Variants in TAFA5 observed in about 807,000 individuals in gnomAD.
TAFA5 encodes TAFA chemokine like family member 5, also known as chemokine-like protein TAFA-5.
TAFA5 carries 6 observed loss-of-function variants against 15.3 expected under a neutral mutation model. That is an observed-to-expected ratio of 0.39 (90% confidence interval 0.21 to 0.77). TAFA5 has a LOEUF of 0.77. Among genes scored for constraint, TAFA5 ranks in the 30% least tolerant of loss-of-function variants. The pLI, the probability that TAFA5 is intolerant of heterozygous loss-of-function variation, is 0.41. For synonymous variants in TAFA5, 103 were observed against 80.7 expected (o/e 1.28, Z -1.48); for missense variants, 161 against 193.1 (o/e 0.83, Z 0.98).
Position 48,550,463 on chromosome 22 carries a change from A to T in TAFA5, c.112+60759A>T, listed in dbSNP as rs984133266. 2.0e-5 allele frequency among the ~76,000 whole-genome samples: 3 copies of T among 152,140 alleles called. No individual in the cohort carries two copies. The highest frequency in any genetic ancestry group is 1.3e-4 in the Admixed American group (2 of 15,278). On this transcript the variant is annotated intron_variant, in intron 1 of 3. Coordinates refer to ENST00000402357, the MANE Select transcript of TAFA5 (RefSeq NM_001082967.3). The surrounding 1 kb of genome is among the most constrained non-coding windows in gnomAD (Gnocchi z 4.1). ...GAGTAAGCTAAGAGGTCACATCTGGATGGAACCAGATGTGAGGGCTTTGAC... is the reference window on the plus strand; with the variant it reads ...GAGTAAGCTAAGAGGTCACATCTGGTTGGAACCAGATGTGAGGGCTTTGAC...
chr22:48,542,289 C>CG (rs1204363670), intron 1 of TAFA5, among the ~76,000 whole-genome samples: 1 of 50,476 alleles, frequency 2.0e-5, no homozygotes, highest in Non-Finnish European at 4.6e-5. Flanking sequence ...GGTGTGTGTG[C>CG]ATGTGTGATG....
chr22:48,645,334 G>A (rs1389513627), intron 1 of TAFA5, among the ~76,000 whole-genome samples: 3 of 152,164 alleles, frequency 2.0e-5, no homozygotes, highest in Admixed American at 1.3e-4. Flanking sequence ...TGGCCATGCT[G>A]CGTTTTACCA....
intron 3 of TAFA5, among the ~76,000 whole-genome samples, chr22:48,747,653 T>TC (rs749545743): frequency 1.4e-4 from 21 of 152,098 alleles, no homozygotes; most frequent in Non-Finnish European, 2.2e-4. Flanking sequence ...TCCCAGCACT[T>TC]TGAGAGGCCA....
intron 1 of TAFA5, among the ~76,000 whole-genome samples, chr22:48,507,524 T>C (rs1000117206): frequency 5.0e-4 from 76 of 152,212 alleles, no homozygotes; most frequent in African/African-American, 1.7e-3. Context: ...TCTTCTGGAA[T>C]GTGCTCAGTG....
At chr22:48,749,766 A>AG (rs1282096613) in intron 3 of TAFA5, 73 bp from the exon 4 acceptor site, 2 of 1,527,888 alleles carry the variant, frequency 1.3e-6, no homozygotes, top group African/African-American at 2.8e-5. Flanking sequence ...GGGAGGGAAG[A>AG]GGAGCCTGTG....
At chr22:48,518,806 G>A (rs1347382993) in intron 1 of TAFA5, among the ~76,000 whole-genome samples, 2 of 152,224 alleles carry the variant, frequency 1.3e-5, no homozygotes, top group African/African-American at 2.4e-5. Context: ...ACAGGCAAGC[G>A]GTGTCACCTC....
intron 1 of TAFA5, among the ~76,000 whole-genome samples, chr22:48,588,462 C>T (rs73890917): frequency 0.011 from 1,735 of 152,262 alleles, 32 homozygotes; most frequent in African/African-American, 0.037. Context: ...AGGCATTGCT[C>T]GCAGTGGGAG....
chr22:48,553,105 T>C (rs1226058002), intron 1 of TAFA5, among the ~76,000 whole-genome samples: 1 of 152,082 alleles, frequency 6.6e-6, no homozygotes. Flanking sequence ...GTTGCCTTCC[T>C]CTGGAAGCTT....
chr22:48,499,447 C>A (rs1206864593), intron 1 of TAFA5, among the ~76,000 whole-genome samples: 1 of 152,146 alleles, frequency 6.6e-6, no homozygotes, highest in African/African-American at 2.4e-5. Flanking sequence ...GCTGGTGGGA[C>A]CCTTGGTTGC....
At chr22:48,579,612 A>C (rs1323770059) in intron 1 of TAFA5, among the ~76,000 whole-genome samples, 1 of 152,246 alleles carries the variant, frequency 6.6e-6, no homozygotes, top group East Asian at 1.9e-4. Flanking sequence ...GGAGTTAAGG[A>C]AACGGCGAGA....
intron 1 of TAFA5, among the ~76,000 whole-genome samples, chr22:48,595,012 T>C (rs368999893): frequency 6.6e-6 from 1 of 152,028 alleles, no homozygotes; most frequent in Non-Finnish European, 1.5e-5. Flanking sequence ...ACGGGGCACA[T>C]AGAGCCCCAG....
At position 48,719,939 on chromosome 22, in the gene TAFA5, C is replaced by G. The variant is rs149253175; in HGVS notation, c.390+12095C>G. Among the ~76,000 whole-genome samples the G allele has an allele frequency of 3.3e-5, 5 of 152,288 alleles. No homozygotes were observed. The East Asian group carries it at 9.7e-4, about 29-fold the overall frequency. On this transcript the variant is annotated intron_variant, in intron 3 of 3. Coordinates refer to ENST00000402357, the MANE Select transcript of TAFA5 (RefSeq NM_001082967.3). ...AAAAAAAAATTGGTTTGACCAAACC[C>G]ACATTATTTCTGTCTGCACTTTGGG...
intron 2 of TAFA5, among the ~76,000 whole-genome samples, chr22:48,681,662 A>G (rs1206558768): frequency 6.6e-6 from 1 of 151,252 alleles, no homozygotes; most frequent in Non-Finnish European, 1.5e-5. Flanking sequence ...AAAAAAAAAA[A>G]AAAAGAAAAG....
At position 48,654,099 on chromosome 22, in the gene TAFA5, G is replaced by A. The variant is rs116877647; in HGVS notation, c.262+7353G>A. 1.7e-4 allele frequency among the ~76,000 whole-genome samples: 26 copies of A among 152,218 alleles called. No individual in the cohort carries two copies. The East Asian group carries it at 3.7e-3, about 22-fold the overall frequency. On this transcript the variant is annotated intron_variant, in intron 2 of 3. Coordinates refer to ENST00000402357, the MANE Select transcript of TAFA5 (RefSeq NM_001082967.3). The stretch of plus-strand genomic sequence containing the variant: ...GGCTCTGCAGGGAGGGTCCTGTCCC[G>A]TCACGTTGGCGCCGCGGCTCTGGAG...
At chr22:48,499,730 A>G (rs551938424) in intron 1 of TAFA5, among the ~76,000 whole-genome samples, 18 of 152,236 alleles carry the variant, frequency 1.2e-4, no homozygotes, top group African/African-American at 2.6e-4. Context: ...GCCACCCCCA[A>G]CCTTTGTTGC....
At position 48,700,907 on chromosome 22, in the gene TAFA5, C is replaced by G. The variant is rs552923055; in HGVS notation, c.263-6810C>G. Among the ~76,000 whole-genome samples, 179 of 152,318 alleles carry G rather than the reference C, an allele frequency of 1.2e-3. 1 individual carries two copies. The highest frequency in any genetic ancestry group is 4.2e-3 in the African/African-American group (173 of 41,572). On this transcript the variant is annotated intron_variant, in intron 2 of 3. Transcript: ENST00000402357. ...CACACCCTGCTGGATTTTGACGGTACAGCTCCTCCCATGCCATCTGCCCAG... is the reference window on the plus strand; with the variant it reads ...CACACCCTGCTGGATTTTGACGGTAGAGCTCCTCCCATGCCATCTGCCCAG...
At chr22:48,575,841 C>T (rs1923759465) in intron 1 of TAFA5, among the ~76,000 whole-genome samples, 1 of 142,278 alleles carries the variant, frequency 7.0e-6, no homozygotes, top group East Asian at 2.1e-4. Flanking sequence ...GCGCCCGGCG[C>T]GCAGCCCCGG....
intron 1 of TAFA5, among the ~76,000 whole-genome samples, chr22:48,531,242 G>A (rs1264736641): frequency 6.6e-6 from 1 of 152,238 alleles, no homozygotes; most frequent in African/African-American, 2.4e-5. Context: ...CGCAGGAGCT[G>A]AGCCCCAGTC....
At chr22:48,680,205 C>G (rs1445871227) in intron 2 of TAFA5, among the ~76,000 whole-genome samples, 1 of 152,252 alleles carries the variant, frequency 6.6e-6, no homozygotes, top group African/African-American at 2.4e-5. Context: ...TGGCTCCGGC[C>G]TGTCTTCTTT....
Sources: gnomAD v4.1 joint callset for allele counts (sites outside exome capture counted in the v4.1 genomes callset) on GRCh38, gnomAD v4.1.1 for gene constraint, Gnocchi (gnomAD v3.1) non-coding constraint, MANE v1.5 for transcripts, NCBI Gene and HGNC (gene_info 2026-07-23, HGNC 2026-07-21) for gene names.